The following PRR16 variants were observed in gnomAD, a reference collection of about 807,000 sequenced individuals.
PRR16 encodes proline rich 16.
PRR16 carries 6 observed loss-of-function variants against 18.2 expected under a neutral mutation model. That is an observed-to-expected ratio of 0.33 (90% CI 0.18 to 0.65). The LOEUF (loss-of-function observed/expected upper bound fraction) is 0.65, where lower values mean the gene tolerates loss of function less well. Among genes scored for constraint, PRR16 ranks in the 30% least tolerant of loss-of-function variants. The pLI, the probability that PRR16 is intolerant of heterozygous loss-of-function variation, is 0.74. For synonymous variants in PRR16, 151 were observed against 147.8 expected, an observed-to-expected ratio of 1.02 and a Z score of -0.16; for missense variants, 412 against 376.6, an observed-to-expected ratio of 1.09 and a Z score of -0.78.
At chr5:120,511,501 G>C (rs1319717372) in intron 1 of PRR16, among the ~76,000 whole-genome samples, 1 of 152,132 alleles carries the variant, frequency 6.6e-6, no homozygotes, top group African/African-American at 2.4e-5. Flanking sequence ...CTATTATGTA[G>C]TGATTTTATA....
At chr5:120,509,608 G>A (rs1750756085) in intron 1 of PRR16, among the ~76,000 whole-genome samples, 1 of 152,074 alleles carries the variant, frequency 6.6e-6, no homozygotes, top group Non-Finnish European at 1.5e-5. Context: ...GTTGGAAGGG[G>A]TTAAATTTGA....
At chr5:120,573,522 C>G (rs925837377) in intron 1 of PRR16, among the ~76,000 whole-genome samples, 1 of 151,220 alleles carries the variant, frequency 6.6e-6, no homozygotes, top group Non-Finnish European at 1.5e-5. Flanking sequence ...CTGCAGCTCT[C>G]TCTTGGACTA....
intron 1 of PRR16, among the ~76,000 whole-genome samples, chr5:120,672,238 CTGTGTGTGTGTGTGTGTG>C (rs3048020): frequency 1.5e-5 from 2 of 135,004 alleles, no homozygotes; most frequent in African/African-American, 2.8e-5. Flanking sequence ...GGTGAGGGGT[CTGTGTGTGTGTGTGTGTG>C]TGTGTGTGTG....
the PRR16 span, among the ~76,000 whole-genome samples, chr5:120,781,758 C>T: frequency 1.3e-5 from 2 of 151,990 alleles, no homozygotes; most frequent in African/African-American, 2.4e-5. Flanking sequence ...TTTTCTTGTG[C>T]GAATACTGAT....
chr5:120,791,063 TCTTA>T, the PRR16 span, among the ~76,000 whole-genome samples: 15 of 152,162 alleles, frequency 9.9e-5, no homozygotes, highest in African/African-American at 3.4e-4. Context: ...CTATTTGTTC[TCTTA>T]ATTAAAAAGT....
chr5:120,628,033 C>CA (rs893051799), intron 1 of PRR16, among the ~76,000 whole-genome samples: 1 of 151,908 alleles, frequency 6.6e-6, no homozygotes, highest in Non-Finnish European at 1.5e-5. Context: ...CTTCTTTTAG[C>CA]AAAAAACATG....
At chr5:120,724,397 T>A in the PRR16 span, among the ~76,000 whole-genome samples, 604 of 152,186 alleles carry the variant, frequency 4.0e-3, 3 homozygotes, top group African/African-American at 0.013. Flanking sequence ...TCCTCATCTG[T>A]AAACTGGGGA....
chr5:120,601,026 A>G (rs1397891104), intron 1 of PRR16, among the ~76,000 whole-genome samples: 1 of 152,054 alleles, frequency 6.6e-6, no homozygotes, highest in African/African-American at 2.4e-5. Flanking sequence ...TAGAGCTGCA[A>G]TGAATATACA....
chr5:120,471,122 C>A (rs1211108715), intron 1 of PRR16, among the ~76,000 whole-genome samples: 1 of 152,020 alleles, frequency 6.6e-6, no homozygotes, highest in Non-Finnish European at 1.5e-5. Context: ...TTCATGGTAA[C>A]AGTCATTATT....
chr5:120,788,843 A>AT, the PRR16 span, among the ~76,000 whole-genome samples: 9 of 151,826 alleles, frequency 5.9e-5, no homozygotes, highest in East Asian at 1.9e-4. Context: ...AGAGTTACTG[A>AT]TTTTTTTTCC....
chr5:120,516,299 C>G (rs1441997454), intron 1 of PRR16, among the ~76,000 whole-genome samples: 3 of 151,946 alleles, frequency 2.0e-5, no homozygotes, highest in Admixed American at 6.6e-5. Context: ...GTGGCGGGTA[C>G]CTGTAGTCCC....
At chr5:120,708,906 C>T in the PRR16 span, among the ~76,000 whole-genome samples, 2 of 147,354 alleles carry the variant, frequency 1.4e-5, no homozygotes. Flanking sequence ...TGTAGGAAGT[C>T]TTTGCGGGAA....
chr5:120,595,231 G>A (rs192898493), intron 1 of PRR16, among the ~76,000 whole-genome samples: 6 of 151,788 alleles, frequency 4.0e-5, no homozygotes, highest in Admixed American at 6.6e-5. Flanking sequence ...GAAACTTAAC[G>A]AAATTTGCAA....
At chr5:120,677,964 C>A (rs1437341993) in intron 1 of PRR16, among the ~76,000 whole-genome samples, 1 of 118,140 alleles carries the variant, frequency 8.5e-6, no homozygotes, top group African/African-American at 3.3e-5. Flanking sequence ...GGCTGGAGTG[C>A]AGTGGCGCGA....
intron 1 of PRR16, among the ~76,000 whole-genome samples, chr5:120,560,071 T>C (rs1221346456): frequency 6.6e-6 from 1 of 151,996 alleles, no homozygotes; most frequent in Non-Finnish European, 1.5e-5. Flanking sequence ...TAAAATCATA[T>C]AATCTACAAA....
intron 1 of PRR16, among the ~76,000 whole-genome samples, chr5:120,524,594 A>G (rs1360500457): frequency 2.0e-5 from 3 of 152,114 alleles, no homozygotes; most frequent in African/African-American, 7.2e-5. Context: ...GTTACATACA[A>G]TAAATATCAT....
intron 1 of PRR16, among the ~76,000 whole-genome samples, chr5:120,501,910 C>T (rs1440825250): frequency 3.7e-5 from 5 of 134,520 alleles, no homozygotes; most frequent in Admixed American, 8.1e-5. Context: ...GAGCCGAGAT[C>T]GCGCCACTGC....
rs376558964 is a variant in PRR16, at chr5:120,686,012, A to G, written c.218A>G (p.Asp73Gly). 29 of 1,614,020 alleles carry G rather than the reference A, an allele frequency of 1.8e-5. No individual in the cohort carries two copies. Among genetic ancestry groups the G allele is most frequent in the Middle Eastern group, 1.6e-4 (1 of 6,082 alleles). ...SDLQLEDEMT[D>G]SSKTDTLNSS... ...CTACAGCTGGAGGATGAGATGACTG[A>G]CAGCTCCAAAACGGACACGCTGAAT... is the stretch of plus-strand genomic sequence containing the variant. The change falls in exon 2 of 2, where the codon GAC (aspartate) becomes GGC (glycine). Residue 73 changes from aspartate (D) to glycine (G), a missense_variant. Asp to Gly is a moderately conservative substitution (Grantham distance 94). Transcript: ENST00000407149.
chr5:120,706,520 A>G, the PRR16 span, among the ~76,000 whole-genome samples: 2 of 152,194 alleles, frequency 1.3e-5, no homozygotes, highest in Non-Finnish European at 2.9e-5. Context: ...CTGCCGTATC[A>G]CACCACTATA....
Sources: gnomAD v4.1 joint callset for allele counts (sites outside exome capture counted in the v4.1 genomes callset) on GRCh38, gnomAD v4.1.1 for gene constraint, MANE v1.5 for transcripts, NCBI Gene and HGNC (gene_info 2026-07-23, HGNC 2026-07-21) for gene names.